Variants in CELF2 observed in about 807,000 individuals in gnomAD.
CELF2 encodes the protein CUGBP Elav-like family member 2, also known as CUG triplet repeat RNA-binding protein 2.
In CELF2, 8 loss-of-function variants were observed where a neutral mutation model predicts 62.6. The ratio of observed to expected loss-of-function variants is 0.13; its 90% CI spans 0.07 to 0.23. The LOEUF is 0.23. Ranked by LOEUF, CELF2 falls within the 10% of genes least tolerant of loss-of-function variation. The pLI is 1.00. For synonymous variants in CELF2, 258 were observed against 250.0 expected, an observed-to-expected ratio of 1.03 and a Z score of -0.30; for missense variants, 333 against 671.0, an observed-to-expected ratio of 0.50 and a Z score of 5.56.
At chr10:10,842,852 A>C (rs2058769223) in intron 1 of CELF2, among the ~76,000 whole-genome samples, 1 of 152,038 alleles carries the variant, frequency 6.6e-6, no homozygotes, top group South Asian at 2.1e-4. Flanking sequence ...CTGGAAGAAA[A>C]TGTGGAGAAT....
At position 11,255,652 on chromosome 10, in the gene CELF2, G is replaced by T. The variant is rs897427556; in HGVS notation, c.404-2086G>T. 6.6e-6 allele frequency among the ~76,000 whole-genome samples: 1 copy of T among 152,112 alleles called. No homozygotes were observed. Among genetic ancestry groups the T allele is most frequent in the African/African-American group, 2.4e-5 (1 of 41,410 alleles). ...GTGTCCCAGGAGCTGTCACAGTGGGGAGAGAGCTGGGTGGAAGGGATTCTG... is the reference window on the plus strand; with the variant it reads ...GTGTCCCAGGAGCTGTCACAGTGGGTAGAGAGCTGGGTGGAAGGGATTCTG... On this transcript the variant is annotated intron_variant, in intron 4 of 12. Coordinates refer to ENST00000633077, the MANE Select transcript of CELF2 (RefSeq NM_001326342.2). The surrounding 1 kb of genome is among the most constrained non-coding windows in gnomAD (Gnocchi z 5.5).
chr10:10,748,361 AT>A, the CELF2 span, among the ~76,000 whole-genome samples: 3 of 152,160 alleles, frequency 2.0e-5, no homozygotes, highest in African/African-American at 7.2e-5. Flanking sequence ...CACAAATATT[AT>A]TTGTCTCTAA....
chr10:11,284,103 GGAT>G, intron 8 of CELF2, among the ~76,000 whole-genome samples: 1 of 146,064 alleles, frequency 6.8e-6, no homozygotes. Flanking sequence ...GGTGGATGAT[GGAT>G]GACTGTGTGG....
rs369290510 is a variant in CELF2 at position 10,853,640 on chromosome 10, GA to G, written c.53+54833del. Among the ~76,000 whole-genome samples, 27 of 147,196 alleles carry G rather than the reference GA, an allele frequency of 1.8e-4. No individual in the cohort carries two copies. In the South Asian group the frequency reaches 2.6e-3, roughly 14 times the overall value. ...CTTGCTCATGAGTAAAAGTCCAATA[GA>G]AAAAAAAAAGCCCCCTTATTGCGAG... On this transcript the variant is annotated intron_variant, in intron 1 of 13. Transcript: ENST00000636488.
At chr10:10,786,812 C>T in the CELF2 span, 1 of 152,142 alleles carries the variant, frequency 6.6e-6, no homozygotes, top group Non-Finnish European at 1.5e-5. Context: ...TTCTCTACCT[C>T]CTGCCTCTAC....
At chr10:11,043,588 C>A (rs79648840) in intron 1 of CELF2, among the ~76,000 whole-genome samples, 1 of 152,108 alleles carries the variant, frequency 6.6e-6, no homozygotes, top group Non-Finnish European at 1.5e-5. Context: ...CCTCATCCCC[C>A]GTCCTTCCTT....
the CELF2 span, among the ~76,000 whole-genome samples, chr10:10,762,620 G>A: frequency 7.4e-4 from 113 of 152,278 alleles, 2 homozygotes; most frequent in South Asian, 0.012. Flanking sequence ...CCACCATTTG[G>A]GGGTAGTTCT....
Position 10,857,639 on chromosome 10 carries a change from CATATATATAGTATAT to C in CELF2, c.53+58832_53+58846del, listed in dbSNP as rs1347234463. The stretch of plus-strand genomic sequence containing the variant: ...ATATATAAATATATGTGGTAAACTA[CATATATATAGTATAT>C]ATATATATATATATATATATATATA... On this transcript the variant is annotated intron_variant, in intron 1 of 13. Transcript: ENST00000636488. Among the ~76,000 whole-genome samples the C allele has an allele frequency of 5.5e-3, 438 of 79,084 alleles. 3 individuals carry two copies. The highest frequency in any genetic ancestry group is 0.02 in the African/African-American group (411 of 20,378). 51.9% of individuals were successfully genotyped at this position (79,084 alleles called of 152,430 possible).
chr10:10,587,536 T>A, the CELF2 span, among the ~76,000 whole-genome samples: 9 of 152,168 alleles, frequency 5.9e-5, no homozygotes, highest in Non-Finnish European at 1.0e-4. Context: ...ATCTTTCACA[T>A]AGCAATAAAC....
the CELF2 span, among the ~76,000 whole-genome samples, chr10:10,509,750 A>G: frequency 9.2e-3 from 1,399 of 152,306 alleles, 17 homozygotes; most frequent in African/African-American, 0.032. Context: ...CTGCAAACTC[A>G]CTGCTTCAGC....
At chr10:11,274,983 A>T in intron 7 of CELF2, 74 bp from the exon 8 acceptor site, 1 of 1,400,112 alleles carries the variant, frequency 7.1e-7, no homozygotes, top group Non-Finnish European at 1.0e-6. Flanking sequence ...AGTAAACTGA[A>T]TTTGTCCCCA....
chr10:10,506,669 A>ATTTTTTTTT, the CELF2 span, among the ~76,000 whole-genome samples: 2 of 32,422 alleles, frequency 6.2e-5, no homozygotes, highest in Non-Finnish European at 1.4e-4. Flanking sequence ...ACCTCCTGTG[A>ATTTTTTTTT]ATTTTTTTTT....
At chr10:10,944,549 C>A (rs773022480) in intron 2 of CELF2, among the ~76,000 whole-genome samples, 1 of 152,228 alleles carries the variant, frequency 6.6e-6, no homozygotes. Context: ...GAGAGGTCCC[C>A]TCACAAGAAT....
At chr10:11,200,786 G>A (rs927432287) in intron 2 of CELF2, among the ~76,000 whole-genome samples, 1 of 152,204 alleles carries the variant, frequency 6.6e-6, no homozygotes, top group Non-Finnish European at 1.5e-5. Context: ...GCTAGCAAAA[G>A]GAAGGGAGAA....
chr10:10,954,802 T>C (rs941104635), intron 2 of CELF2, among the ~76,000 whole-genome samples: 3 of 152,250 alleles, frequency 2.0e-5, no homozygotes, highest in Non-Finnish European at 2.9e-5. Context: ...CTTTACTGAT[T>C]TGAAAACATT....
In CELF2 at chr10:11,278,602, G is replaced by A. The variant is rs58522346; in HGVS notation, c.841+3482G>A. Reference sequence around the variant, plus strand: ...AGAAGATCATATAACAGAAAAACAAGGGGTAGTGTTTTACCATTTTGTTTT... The same window carrying A: ...AGAAGATCATATAACAGAAAAACAAAGGGTAGTGTTTTACCATTTTGTTTT... On this transcript the variant is annotated intron_variant, in intron 8 of 12. Transcript: ENST00000633077. Among the ~76,000 whole-genome samples, 414 of 152,262 alleles carry A rather than the reference G, an allele frequency of 2.7e-3. 5 individuals carry two copies. Among genetic ancestry groups the A allele is most frequent in the African/African-American group, 9.4e-3 (392 of 41,542 alleles).
chr10:10,660,570 G>C, the CELF2 span, among the ~76,000 whole-genome samples: 8 of 152,136 alleles, frequency 5.3e-5, no homozygotes, highest in African/African-American at 1.9e-4. Flanking sequence ...GGCACTCCCA[G>C]TATTTTATTG....
chr10:10,530,209 G>A, the CELF2 span, among the ~76,000 whole-genome samples: 2 of 152,178 alleles, frequency 1.3e-5, no homozygotes, highest in Admixed American at 1.3e-4. Context: ...AGAGTAGGAC[G>A]TTCCCAAAAG....
chr10:11,287,238 C>T (rs531197020), intron 8 of CELF2, among the ~76,000 whole-genome samples: 3 of 152,228 alleles, frequency 2.0e-5, no homozygotes, highest in Non-Finnish European at 4.4e-5. Context: ...CTGAAGTCCA[C>T]CATCTTTCTA....
Sources: allele counts gnomAD v4.1 joint callset (sites outside exome capture counted in the v4.1 genomes callset), GRCh38; gene constraint gnomAD v4.1.1; non-coding constraint Gnocchi (gnomAD v3.1); transcripts MANE v1.5; gene names NCBI Gene and HGNC (gene_info 2026-07-23, HGNC 2026-07-21).